The following DOCK1 variants were observed in gnomAD, a reference collection of about 807,000 sequenced individuals.
The protein encoded by DOCK1 is dedicator of cytokinesis 1.
In DOCK1, 138 loss-of-function variants were observed where a neutral mutation model predicts 262.7. The ratio of observed to expected loss-of-function variants is 0.53; its 90% CI spans 0.46 to 0.61. DOCK1 has a LOEUF of 0.61. Ranked by LOEUF, DOCK1 falls within the 20% of genes least tolerant of loss-of-function variation. The probability of loss-of-function intolerance (pLI) is 0.00; values close to 1 mark genes in which losing one functional copy is unlikely to be tolerated. For synonymous variants in DOCK1, 866 were observed against 867.4 expected, an observed-to-expected ratio of 1.00 and a Z score of 0.03; for missense variants, 1,908 against 2,370.7, an observed-to-expected ratio of 0.80 and a Z score of 4.05.
chr10:127,451,418 C>A lies in DOCK1; in HGVS notation c.5652C>A (p.Ile1884=), dbSNP rs377121875. The A allele has an allele frequency of 1.3e-5, 21 of 1,578,904 alleles. No individual in the cohort carries two copies. Among genetic ancestry groups the A allele is most frequent in the Non-Finnish European group, 1.7e-5 (20 of 1,162,608 alleles). ...AGCAGGCATCGGTGGACTCCGGGATCGTGCAGTGACGTCGCAAGCCTCTCT... is the reference window on the plus strand; with the variant it reads ...AGCAGGCATCGGTGGACTCCGGGATAGTGCAGTGACGTCGCAAGCCTCTCT... The part of the protein sequence containing the change: ...TRKQASVDSG[I]VQ The change falls in exon 52 of 52, where the codon ATC becomes ATA. Residue 1884 remains isoleucine (I), a synonymous_variant. Coordinates refer to ENST00000623213, the MANE Select transcript of DOCK1 (RefSeq NM_001290223.2).
chr10:127,166,219 C>T (rs975427386), intron 27 of DOCK1, among the ~76,000 whole-genome samples: 1 of 152,176 alleles, frequency 6.6e-6, no homozygotes, highest in African/African-American at 2.4e-5. Flanking sequence ...GTGCCTGCCA[C>T]CACGCCCAGC....
chr10:127,260,862 TGTGTGTGC>T (rs1366129786), intron 29 of DOCK1, among the ~76,000 whole-genome samples: 3 of 121,934 alleles, frequency 2.5e-5, no homozygotes, highest in East Asian at 2.6e-4. Flanking sequence ...TGCTCATCTG[TGTGTGTGC>T]ATGTGTGTGT....
chr10:127,316,187 C>G (rs1408859111), intron 29 of DOCK1, among the ~76,000 whole-genome samples: 1 of 152,172 alleles, frequency 6.6e-6, no homozygotes, highest in African/African-American at 2.4e-5. Context: ...AAAATTTACT[C>G]ACGTAGCAAA....
At chr10:126,941,482 C>T (rs1388004181) in intron 1 of DOCK1, among the ~76,000 whole-genome samples, 2 of 152,200 alleles carry the variant, frequency 1.3e-5, no homozygotes, top group Non-Finnish European at 2.9e-5. Context: ...GTGGGCCGGG[C>T]ACAGTGGCTC....
intron 29 of DOCK1, among the ~76,000 whole-genome samples, chr10:127,314,151 C>G (rs2062173044): frequency 6.6e-6 from 1 of 152,192 alleles, no homozygotes; most frequent in Admixed American, 6.5e-5. Flanking sequence ...CTCCAAAGAC[C>G]TGGGGATCCG....
At chr10:127,139,114 C>T (rs1449127884) in intron 27 of DOCK1, among the ~76,000 whole-genome samples, 1 of 152,154 alleles carries the variant, frequency 6.6e-6, no homozygotes, top group Non-Finnish European at 1.5e-5. Context: ...GACTAAATGT[C>T]AGTAGATTTC....
At chr10:127,406,836 C>A (rs140588119) in intron 40 of DOCK1, among the ~76,000 whole-genome samples, 1 of 152,090 alleles carries the variant, frequency 6.6e-6, no homozygotes, top group Admixed American at 6.5e-5. Flanking sequence ...CTATTAAAGT[C>A]TTTATATACA....
At chr10:127,408,882 G>A (rs111702710) in intron 40 of DOCK1, among the ~76,000 whole-genome samples, 155 bp from the exon 41 acceptor site, 1,201 of 99,442 alleles carry the variant, frequency 0.012, 9 homozygotes, top group African/African-American at 0.037. Flanking sequence ...CAAAGCCAAC[G>A]CAAGTACAAA....
intron 23 of DOCK1, among the ~76,000 whole-genome samples, chr10:127,067,185 G>T (rs2045928603): frequency 6.6e-6 from 1 of 152,224 alleles, no homozygotes; most frequent in African/African-American, 2.4e-5. Context: ...TGGTCACGAA[G>T]GCTTGTGGGA....
At chr10:127,156,148 G>A (rs868808722) in intron 27 of DOCK1, among the ~76,000 whole-genome samples, 6 of 152,196 alleles carry the variant, frequency 3.9e-5, no homozygotes, top group African/African-American at 1.4e-4. Context: ...CAGGGGAAAT[G>A]TCTATCAAGC....
chr10:127,262,819 C>T (rs192578361), intron 29 of DOCK1, among the ~76,000 whole-genome samples: 201 of 152,306 alleles, frequency 1.3e-3, no homozygotes, highest in Admixed American at 2.6e-3. Flanking sequence ...GGGGATGTCA[C>T]GTGCCATCAC....
chr10:126,977,151 A>T (rs1285842012), intron 2 of DOCK1, among the ~76,000 whole-genome samples: 1 of 152,200 alleles, frequency 6.6e-6, no homozygotes, highest in African/African-American at 2.4e-5. Flanking sequence ...TGGAGGCTGG[A>T]TACTGACGGT....
intron 29 of DOCK1, among the ~76,000 whole-genome samples, chr10:127,260,985 CCG>C (rs1457905590): frequency 8.9e-4 from 26 of 29,324 alleles, no homozygotes; most frequent in East Asian, 1.2e-3. Flanking sequence ...GTGTGTGTAC[CCG>C]TGCTCATGTG....
At chr10:127,091,853 A>C (rs997934278) in intron 23 of DOCK1, among the ~76,000 whole-genome samples, 1 of 152,184 alleles carries the variant, frequency 6.6e-6, no homozygotes, top group Admixed American at 6.5e-5. Flanking sequence ...CATGCTCTAT[A>C]GACCCCTGCC....
intron 47 of DOCK1, among the ~76,000 whole-genome samples, chr10:127,426,218 C>T (rs112542092): frequency 6.7e-4 from 102 of 152,252 alleles, no homozygotes; most frequent in Non-Finnish European, 1.2e-3. Flanking sequence ...AATGTCAGGG[C>T]GAATAAACAT....
intron 1 of DOCK1, among the ~76,000 whole-genome samples, chr10:126,952,710 ATTG>A (rs1231709781): frequency 1.0e-4 from 14 of 139,276 alleles, no homozygotes; most frequent in African/African-American, 3.0e-4. Context: ...ATGTGGTAGT[ATTG>A]TTGGTAGTGT....
At chr10:127,142,546 T>G (rs900739475) in intron 27 of DOCK1, among the ~76,000 whole-genome samples, 2 of 152,328 alleles carry the variant, frequency 1.3e-5, no homozygotes, top group Non-Finnish European at 1.5e-5. Context: ...CAGGCCAGCC[T>G]TACCTGTGCG....
chr10:127,089,978 T>C (rs182428246), intron 23 of DOCK1, among the ~76,000 whole-genome samples: 1 of 152,328 alleles, frequency 6.6e-6, no homozygotes, highest in Admixed American at 6.5e-5. Context: ...TCACATGATG[T>C]AAAATGTTTG....
chr10:127,354,571 A>C, intron 31 of DOCK1, 98 bp from the exon 32 acceptor site: 9 of 1,352,654 alleles, frequency 6.7e-6, no homozygotes, highest in Non-Finnish European at 9.3e-6. Context: ...TATTTGCCTC[A>C]GTGCTAGAAG....
Sources: allele counts gnomAD v4.1 joint callset (sites outside exome capture counted in the v4.1 genomes callset), GRCh38; gene constraint gnomAD v4.1.1; transcripts MANE v1.5; gene names NCBI Gene and HGNC (gene_info 2026-07-23, HGNC 2026-07-21).